Variants in NRCAM observed in about 807,000 individuals in gnomAD.
NRCAM encodes the protein NgCAM-related cell adhesion molecule.
NRCAM carries 83 observed loss-of-function variants against 156.5 expected under a neutral mutation model. The observed-to-expected ratio is 0.53, with a 90% confidence interval of 0.44 to 0.64. The LOEUF is 0.64. Ranked by LOEUF, NRCAM falls within the 30% of genes least tolerant of loss-of-function variation. The pLI, the probability that NRCAM is intolerant of heterozygous loss-of-function variation, is 0.00. For synonymous variants in NRCAM, 538 were observed against 563.9 expected, an observed-to-expected ratio of 0.95 and a Z score of 0.65; for missense variants, 1,417 against 1,597.3, an observed-to-expected ratio of 0.89 and a Z score of 1.92.
intron 3 of NRCAM, chr7:108,243,117 G>T (rs1193493110): frequency 2.0e-5 from 3 of 152,162 alleles, no homozygotes; most frequent in Admixed American, 6.6e-5. Context: ...GAAGATGGGG[G>T]TTCTCCTCAG....
chr7:108,281,986 T>C (rs980399726), intron 3 of NRCAM, among the ~76,000 whole-genome samples: 64 of 152,212 alleles, frequency 4.2e-4, no homozygotes, highest in African/African-American at 1.4e-3. Context: ...AAATTAAAGT[T>C]GTTATGTCAT....
intron 11 of NRCAM, among the ~76,000 whole-genome samples, chr7:108,220,102 T>G (rs1355984929): frequency 7.0e-6 from 1 of 142,354 alleles, no homozygotes; most frequent in African/African-American, 2.5e-5. Context: ...CCCTTTATAA[T>G]AGCTGCCAAA....
intron 2 of NRCAM, among the ~76,000 whole-genome samples, chr7:108,342,523 T>A (rs769525533): frequency 6.6e-6 from 1 of 152,210 alleles, no homozygotes; most frequent in Non-Finnish European, 1.5e-5. Context: ...TTTAGTAAGA[T>A]GGACACCTGA....
chr7:108,387,277 G>C (rs2154368406), intron 2 of NRCAM, among the ~76,000 whole-genome samples: 1 of 152,128 alleles, frequency 6.6e-6, no homozygotes, highest in Non-Finnish European at 1.5e-5. Flanking sequence ...TAAAAGTATG[G>C]AATTATTTAA....
At chr7:108,363,327 G>A (rs1181016576) in intron 2 of NRCAM, among the ~76,000 whole-genome samples, 16 of 152,022 alleles carry the variant, frequency 1.1e-4, no homozygotes, top group Admixed American at 1.0e-3. Flanking sequence ...AGGCTGGAGT[G>A]CAGTGGTGCG....
chr7:108,324,440 A>C (rs184158134), intron 2 of NRCAM, among the ~76,000 whole-genome samples: 42 of 152,268 alleles, frequency 2.8e-4, no homozygotes, highest in African/African-American at 9.4e-4. Context: ...CACATCAGAT[A>C]AGCATTTGAA....
At chr7:108,232,059 T>C (rs1427417309) in intron 7 of NRCAM, among the ~76,000 whole-genome samples, 2 of 152,018 alleles carry the variant, frequency 1.3e-5, no homozygotes, top group East Asian at 1.9e-4. Context: ...AATAATTAGA[T>C]GAACTCAGGG....
intron 2 of NRCAM, among the ~76,000 whole-genome samples, chr7:108,332,761 A>C (rs536867188): frequency 6.6e-6 from 1 of 152,324 alleles, no homozygotes; most frequent in Non-Finnish European, 1.5e-5. Flanking sequence ...GGGGTGTGTC[A>C]ATACAACACA....
intron 2 of NRCAM, among the ~76,000 whole-genome samples, chr7:108,375,444 C>T (rs886899554): frequency 6.6e-6 from 1 of 152,090 alleles, no homozygotes; most frequent in Non-Finnish European, 1.5e-5. Flanking sequence ...AGGTCCACTG[C>T]CAATGTTAGC....
At chr7:108,252,907 G>T (rs147950488) in intron 3 of NRCAM, among the ~76,000 whole-genome samples, 2 of 152,352 alleles carry the variant, frequency 1.3e-5, no homozygotes, top group African/African-American at 4.8e-5. Flanking sequence ...ATTGCATGCT[G>T]AACATTTTAA....
intron 2 of NRCAM, among the ~76,000 whole-genome samples, chr7:108,395,611 A>T (rs945901390): frequency 3.9e-5 from 6 of 152,198 alleles, no homozygotes; most frequent in African/African-American, 1.4e-4. Flanking sequence ...CCACTTCCCA[A>T]TAGGAGTTTT....
intron 1 of NRCAM, among the ~76,000 whole-genome samples, chr7:108,445,532 C>G (rs532947001): frequency 6.6e-6 from 1 of 152,270 alleles, no homozygotes; most frequent in Non-Finnish European, 1.5e-5. Flanking sequence ...CCTAATAACA[C>G]AGATTTACGT....
intron 1 of NRCAM, among the ~76,000 whole-genome samples, chr7:108,439,760 G>C (rs1836409740): frequency 6.7e-6 from 1 of 149,120 alleles, no homozygotes; most frequent in African/African-American, 2.5e-5. Context: ...CTTGAACCCG[G>C]AGGCAGAGGT....
chr7:108,359,003 A>G (rs2099529120), intron 2 of NRCAM, among the ~76,000 whole-genome samples: 1 of 152,256 alleles, frequency 6.6e-6, no homozygotes, highest in South Asian at 2.1e-4. Context: ...GACAACCACC[A>G]GAGTTATACT....
In NRCAM at chr7:108,226,384, G is replaced by T. The variant is rs898292903; in HGVS notation, c.551-6C>A. On this transcript the variant is annotated splice_polypyrimidine_tract_variant and splice_region_variant and intron_variant, in intron 8 of 32. Transcript: ENST00000379028. ...TTGTGGAAGTCTTTGAAAGGCTGGA[G>T]AAAGGCAGAGAGATATCAAGATTAT... The T allele has an allele frequency of 2.5e-6, 4 of 1,607,064 alleles. No individual in the cohort carries two copies. The highest frequency in any genetic ancestry group is 2.6e-6 in the Non-Finnish European group (3 of 1,175,144).
intron 2 of NRCAM, among the ~76,000 whole-genome samples, chr7:108,371,252 G>A (rs2099626658): frequency 6.6e-6 from 1 of 152,098 alleles, no homozygotes; most frequent in South Asian, 2.1e-4. Flanking sequence ...CAGAGTAAGA[G>A]GGCAATGAAG....
intron 1 of NRCAM, among the ~76,000 whole-genome samples, chr7:108,431,971 C>T (rs890702888): frequency 6.6e-6 from 1 of 152,198 alleles, no homozygotes; most frequent in Non-Finnish European, 1.5e-5. Flanking sequence ...CTTCTTTGCC[C>T]AACCTGTCAA....
intron 3 of NRCAM, among the ~76,000 whole-genome samples, chr7:108,278,762 A>C (rs865912264): frequency 1.3e-5 from 2 of 152,316 alleles, no homozygotes; most frequent in South Asian, 4.1e-4. Context: ...CATGGGCTGC[A>C]CCCACTGTCC....
intron 25 of NRCAM, among the ~76,000 whole-genome samples, chr7:108,179,951 C>G (rs1196685656): frequency 6.6e-6 from 1 of 152,138 alleles, no homozygotes. Flanking sequence ...GTCAAAGTAA[C>G]AAGGTTTCAG....
Sources: allele counts gnomAD v4.1 joint callset (sites outside exome capture counted in the v4.1 genomes callset), GRCh38; gene constraint gnomAD v4.1.1; transcripts MANE v1.5; gene names NCBI Gene and HGNC (gene_info 2026-07-23, HGNC 2026-07-21).